The following GLCCI1 variants were observed in gnomAD, a reference collection of about 807,000 sequenced individuals.
The protein encoded by GLCCI1 is glucocorticoid induced 1, also known as glucocorticoid-induced transcript 1 protein.
A neutral mutation model predicts 52.2 loss-of-function variants in GLCCI1; 24 were observed. The ratio of observed to expected loss-of-function variants is 0.46; its 90% CI spans 0.33 to 0.65. The LOEUF (loss-of-function observed/expected upper bound fraction) is 0.65. Among genes scored for constraint, GLCCI1 ranks in the 30% least tolerant of loss-of-function variants. The pLI, the probability that GLCCI1 is intolerant of heterozygous loss-of-function variation, is 0.02. For missense variants in GLCCI1, 704 were observed against 701.5 expected (o/e 1.00, Z -0.04); for synonymous variants, 310 against 276.5 (o/e 1.12, Z -1.20).
intron 6 of GLCCI1, among the ~76,000 whole-genome samples, chr7:8,074,722 T>C (rs1782838775): frequency 6.6e-6 from 1 of 152,196 alleles, no homozygotes; most frequent in Non-Finnish European, 1.5e-5. Flanking sequence ...AATGTATGTT[T>C]TCTACAATAA....
At chr7:7,995,451 A>C (rs1434178026) in intron 1 of GLCCI1, among the ~76,000 whole-genome samples, 3 of 152,220 alleles carry the variant, frequency 2.0e-5, no homozygotes, top group Non-Finnish European at 4.4e-5. Flanking sequence ...TCAAGGCTGC[A>C]GTGAGCCGAG....
rs935879095 is a variant in GLCCI1, at chr7:8,077,871, G to T, written c.1177+6740G>T. Among the ~76,000 whole-genome samples the T allele has an allele frequency of 3.3e-5, 5 of 152,184 alleles. 1 individual carries two copies. The highest frequency in any genetic ancestry group is 1.2e-4 in the African/African-American group (5 of 41,434). On this transcript the variant is annotated intron_variant, in intron 6 of 7. Transcript: ENST00000223145. ...GGGCCCGGTGTGTACAGAACAGTAA[G>T]AAATTGAACGGTTGGGGTATAGGGG...
At chr7:8,075,766 C>T (rs1782863340) in intron 6 of GLCCI1, among the ~76,000 whole-genome samples, 1 of 152,230 alleles carries the variant, frequency 6.6e-6, no homozygotes, top group Admixed American at 6.5e-5. Context: ...TTCAGGCCAA[C>T]TACTGAGTAG....
At chr7:8,063,882 A>C (rs2127962086) in intron 5 of GLCCI1, among the ~76,000 whole-genome samples, 1 of 151,998 alleles carries the variant, frequency 6.6e-6, no homozygotes, top group African/African-American at 2.4e-5. Flanking sequence ...GGGCCTCCCA[A>C]AGTGCTAGGA....
Position 8,079,785 on chromosome 7 carries a change from G to A in GLCCI1, c.1178-5112G>A, listed in dbSNP as rs916023307. 4.6e-5 allele frequency among the ~76,000 whole-genome samples: 7 copies of A among 151,294 alleles called. 1 individual carries two copies. The highest frequency in any genetic ancestry group is 1.5e-4 in the African/African-American group (6 of 40,720). On this transcript the variant is annotated intron_variant, in intron 6 of 7. Coordinates refer to ENST00000223145, the MANE Select transcript of GLCCI1 (RefSeq NM_138426.4). Reference sequence around the variant, plus strand: ...CATATAATAAATATATAATTAATGGGCCTTGGAATGTAAGTTGAGTCCCGG... The same window carrying A: ...CATATAATAAATATATAATTAATGGACCTTGGAATGTAAGTTGAGTCCCGG...
chr7:8,025,927 C>G (rs1781610564), intron 3 of GLCCI1, among the ~76,000 whole-genome samples: 1 of 152,184 alleles, frequency 6.6e-6, no homozygotes, highest in Non-Finnish European at 1.5e-5. Flanking sequence ...GAGAATTTCT[C>G]CCTGTCAGAC....
At chr7:8,053,294 GTTTTGTTTTT>G (rs1331573997) in intron 3 of GLCCI1, among the ~76,000 whole-genome samples, 1 of 137,102 alleles carries the variant, frequency 7.3e-6, no homozygotes, top group Non-Finnish European at 1.6e-5. Flanking sequence ...TCATGGTTTT[GTTTTGTTTTT>G]TTTTGTTTTC....
chr7:8,048,673 G>A (rs1244436885), intron 3 of GLCCI1, among the ~76,000 whole-genome samples: 2 of 152,102 alleles, frequency 1.3e-5, no homozygotes, highest in African/African-American at 2.4e-5. Flanking sequence ...AACCTCATAA[G>A]GTAACCTGTT....
intron 2 of GLCCI1, among the ~76,000 whole-genome samples, chr7:8,020,669 A>G (rs2127948039): frequency 6.6e-6 from 1 of 152,272 alleles, no homozygotes; most frequent in South Asian, 2.1e-4. Context: ...TTGATTTTGA[A>G]TAATTGTGGA....
rs532862607 is a variant in GLCCI1, at chr7:8,055,443, A to T, written c.707A>T (p.Lys236Ile). Residue 236 changes from lysine (K) to isoleucine (I), a missense_variant, in exon 4 of 8, where the codon AAA (lysine) becomes ATA (isoleucine). Coordinates refer to ENST00000223145, the MANE Select transcript of GLCCI1 (RefSeq NM_138426.4). ...SADQLKEQIAKLRQQLQRSKQ... is the reference protein window; with the variant it reads ...SADQLKEQIAILRQQLQRSKQ... ...TCCCTGTCCCCAAAGCAGATCGCCA[A>T]ACTGAGGCAGCAACTACAACGCAGT... 2 of 1,612,854 alleles carry T rather than the reference A, an allele frequency of 1.2e-6. No homozygotes were observed. The highest frequency in any genetic ancestry group is 1.7e-6 in the Non-Finnish European group (2 of 1,178,982).
intron 3 of GLCCI1, among the ~76,000 whole-genome samples, chr7:8,025,585 C>T (rs1421631497): frequency 6.6e-6 from 1 of 151,900 alleles, no homozygotes; most frequent in Non-Finnish European, 1.5e-5. Context: ...AGAAAAGAGA[C>T]AGAGCAGAGA....
At chr7:7,993,400 C>G (rs1357146035) in intron 1 of GLCCI1, among the ~76,000 whole-genome samples, 1 of 152,174 alleles carries the variant, frequency 6.6e-6, no homozygotes. Context: ...TCAGTAATTT[C>G]TCTTTACTGT....
chr7:8,063,124 T>A (rs1782552714), intron 5 of GLCCI1, among the ~76,000 whole-genome samples: 1 of 151,996 alleles, frequency 6.6e-6, no homozygotes, highest in Admixed American at 6.5e-5. Flanking sequence ...CTTGCCAACA[T>A]CTGTTTTTTT....
At chr7:8,006,328 T>C (rs765814050) in intron 2 of GLCCI1, among the ~76,000 whole-genome samples, 19 of 152,110 alleles carry the variant, frequency 1.2e-4, no homozygotes, top group Non-Finnish European at 2.8e-4. Context: ...GAGTGCAGTA[T>C]TGGAGATAAT....
intron 3 of GLCCI1, among the ~76,000 whole-genome samples, chr7:8,054,554 G>A (rs996598062): frequency 1.3e-5 from 2 of 151,890 alleles, no homozygotes; most frequent in African/African-American, 4.8e-5. Flanking sequence ...GCATTTATAG[G>A]CTTTAATACT....
intron 3 of GLCCI1, among the ~76,000 whole-genome samples, chr7:8,046,495 T>C (rs1323190583): frequency 1.3e-5 from 2 of 152,244 alleles, no homozygotes; most frequent in Non-Finnish European, 2.9e-5. Flanking sequence ...CTATTCTCTC[T>C]GAAGCCTGCT....
At chr7:8,024,391 C>T (rs1168264916) in intron 3 of GLCCI1, among the ~76,000 whole-genome samples, 1 of 152,194 alleles carries the variant, frequency 6.6e-6, no homozygotes, top group Non-Finnish European at 1.5e-5. Context: ...AGTCTAATAT[C>T]TCTGGCTTAC....
At chr7:8,056,960 G>C (rs1782411878) in intron 4 of GLCCI1, among the ~76,000 whole-genome samples, 1 of 152,088 alleles carries the variant, frequency 6.6e-6, no homozygotes, top group Admixed American at 6.6e-5. Context: ...ACTTACATAT[G>C]ATATTATATA....
intron 3 of GLCCI1, among the ~76,000 whole-genome samples, chr7:8,032,063 A>G (rs1270503548): frequency 6.6e-6 from 1 of 152,098 alleles, no homozygotes; most frequent in Admixed American, 6.5e-5. Flanking sequence ...CTTTAACAAT[A>G]TTATCAATCA....
Sources: gnomAD v4.1 joint callset for allele counts (sites outside exome capture counted in the v4.1 genomes callset) on GRCh38, gnomAD v4.1.1 for gene constraint, MANE v1.5 for transcripts, NCBI Gene and HGNC (gene_info 2026-07-23, HGNC 2026-07-21) for gene names.